IMPACT: variants seen among roughly 807,000 people sequenced by gnomAD.
IMPACT encodes the protein protein IMPACT.
In IMPACT, 35 loss-of-function variants were observed where a neutral mutation model predicts 47.5. The ratio of observed to expected loss-of-function variants is 0.74; its 90% confidence interval spans 0.56 to 0.98. IMPACT has a LOEUF of 0.98. Ranked by LOEUF, IMPACT falls within the 50% of genes least tolerant of loss-of-function variation. IMPACT has a pLI of 0.00. For synonymous variants in IMPACT, 118 were observed against 125.6 expected, an observed-to-expected ratio of 0.94 and a Z score of 0.40; for missense variants, 373 against 394.8, an observed-to-expected ratio of 0.94 and a Z score of 0.47.
intron 6 of IMPACT, among the ~76,000 whole-genome samples, chr18:24,441,672 GTCAT>G (rs1909117908): frequency 6.6e-6 from 1 of 152,172 alleles, no homozygotes; most frequent in East Asian, 1.9e-4. Flanking sequence ...GGTTTCCTGT[GTCAT>G]TACACAGTAG....
chr18:24,446,893 A>G (rs1192477921), intron 8 of IMPACT, among the ~76,000 whole-genome samples: 1 of 152,226 alleles, frequency 6.6e-6, no homozygotes, highest in Non-Finnish European at 1.5e-5. Flanking sequence ...CTCTGTGCCA[A>G]AACTTTATGT....
At chr18:24,433,922 CG>C (rs1267234755) in intron 4 of IMPACT, among the ~76,000 whole-genome samples, 2 of 151,954 alleles carry the variant, frequency 1.3e-5, no homozygotes, top group African/African-American at 4.8e-5. Flanking sequence ...CCGCCTGCCT[CG>C]GCCTCCCAAA....
In IMPACT at chr18:24,434,795, A is replaced by ATATATATGTG. The variant is rs1454429903; in HGVS notation, c.282-3159_282-3158insATATATGTGT. ...AAAAAAAATATATATATATATATAT[A>ATATATATGTG]TGTGTGTGTGTGTGTATATATATGT... On this transcript the variant is annotated intron_variant, in intron 4 of 10. Coordinates refer to ENST00000284202, the MANE Select transcript of IMPACT (RefSeq NM_018439.4). Among the ~76,000 whole-genome samples, 7 of 67,620 alleles carry ATATATATGTG rather than the reference A, an allele frequency of 1.0e-4. 1 individual carries two copies. Among genetic ancestry groups the ATATATATGTG allele is most frequent in the African/African-American group, 3.8e-4 (7 of 18,256 alleles). 44.4% of individuals were successfully genotyped at this position (67,620 alleles called of 152,430 possible).
At chr18:24,439,203 C>T (rs1411201349) in intron 5 of IMPACT, among the ~76,000 whole-genome samples, 1 of 152,238 alleles carries the variant, frequency 6.6e-6, no homozygotes, top group East Asian at 1.9e-4. Context: ...AAAATACCTT[C>T]AGAGAAAAAT....
intron 4 of IMPACT, among the ~76,000 whole-genome samples, chr18:24,431,791 C>G (rs1908763461): frequency 6.6e-6 from 1 of 152,058 alleles, no homozygotes; most frequent in Admixed American, 6.6e-5. Flanking sequence ...AACCCCTGCC[C>G]CTCAGGTTCA....
intron 4 of IMPACT, among the ~76,000 whole-genome samples, chr18:24,433,792 T>A (rs1414833363): frequency 6.6e-6 from 1 of 150,414 alleles, no homozygotes; most frequent in Non-Finnish European, 1.5e-5. Context: ...TACCTCAGCC[T>A]CCTGAGTAGC....
chr18:24,428,182 G>A (rs1908662769), intron 2 of IMPACT, 135 bp downstream of exon 2: 2 of 747,180 alleles, frequency 2.7e-6, no homozygotes, highest in South Asian at 4.4e-5. Context: ...AAACACATGG[G>A]CAGTTACATC....
At chr18:24,436,554 T>C (rs1218456417) in intron 4 of IMPACT, among the ~76,000 whole-genome samples, 3 of 151,824 alleles carry the variant, frequency 2.0e-5, no homozygotes, top group Non-Finnish European at 4.4e-5. Context: ...TGTTTTGTTT[T>C]TGTTTTTGTT....
At chr18:24,433,231 C>T (rs867301517) in intron 4 of IMPACT, among the ~76,000 whole-genome samples, 10 of 108,432 alleles carry the variant, frequency 9.2e-5, no homozygotes, top group East Asian at 3.0e-4. Flanking sequence ...CTCGCTCTGT[C>T]GCCCAGGCCG....
chr18:24,446,977 A>G (rs518353), intron 8 of IMPACT, among the ~76,000 whole-genome samples: 19,068 of 152,252 alleles, frequency 0.13, 1,479 homozygotes, highest in Non-Finnish European at 0.16. Flanking sequence ...TAGTTAAGTG[A>G]TGGAGCTGAA....
intron 6 of IMPACT, 34 bp downstream of exon 6, chr18:24,440,652 A>T: frequency 6.4e-7 from 1 of 1,572,350 alleles, no homozygotes; most frequent in Non-Finnish European, 8.6e-7. Flanking sequence ...TTTTGAGGAG[A>T]GTGGGTTGGT....
intron 9 of IMPACT, 85 bp from the exon 10 acceptor site, chr18:24,449,734 C>T: frequency 1.6e-6 from 2 of 1,253,340 alleles, no homozygotes; most frequent in East Asian, 4.9e-5. Flanking sequence ...CAATTTTATA[C>T]ATGGGTTATT....
In IMPACT at chr18:24,452,401, A is replaced by T. The variant is rs1020113402; in HGVS notation, c.*1554A>T. 8.5e-5 allele frequency: 13 copies of T among 152,146 alleles called. No homozygotes were observed. The highest frequency in any genetic ancestry group is 2.9e-4 in the African/African-American group (12 of 41,444). The allele number at this position is 152,146 out of a possible 1,614,324, so 9.4% of individuals were successfully genotyped here. The stretch of plus-strand genomic sequence containing the variant: ...TGTGTTTTAACTGTTAAAATAATTT[A>T]AAAATTAATTATTTTACATAATTAA... On this transcript the variant is annotated 3_prime_UTR_variant, in exon 11 of 11. Transcript: ENST00000284202.
At chr18:24,444,294 A>G (rs557904946) in intron 7 of IMPACT, among the ~76,000 whole-genome samples, 1 of 152,330 alleles carries the variant, frequency 6.6e-6, no homozygotes, top group East Asian at 1.9e-4. Flanking sequence ...AGCTGAAACA[A>G]GTTTTAGAGG....
intron 1 of IMPACT, 144 bp from the exon 2 acceptor site, chr18:24,427,775 T>G: frequency 2.9e-6 from 2 of 701,744 alleles, no homozygotes; most frequent in Non-Finnish European, 2.3e-6. Context: ...GACCTGCTCT[T>G]AAGAAACTCT....
At chr18:24,433,184 C>CTTTTTTT (rs35543338) in intron 4 of IMPACT, among the ~76,000 whole-genome samples, 14 of 81,100 alleles carry the variant, frequency 1.7e-4, no homozygotes, top group East Asian at 4.4e-4. Context: ...ACTTTTAAAA[C>CTTTTTTT]TTTTTTTTTT....
At chr18:24,433,163 A>ATACACATCTTACT (rs1366332079) in intron 4 of IMPACT, among the ~76,000 whole-genome samples, 1 of 149,760 alleles carries the variant, frequency 6.7e-6, no homozygotes, top group Admixed American at 6.7e-5. Context: ...CTAAATAGAA[A>ATACACATCTTACT]TACACATCTT....
chr18:24,438,658 G>C (rs931363642), intron 5 of IMPACT, among the ~76,000 whole-genome samples: 16 of 152,106 alleles, frequency 1.1e-4, no homozygotes, highest in Non-Finnish European at 1.5e-5. Context: ...CTACAGACGA[G>C]GTCTCCCTAT....
rs1050098073 is a variant in IMPACT at position 24,452,537 on chromosome 18, A to G, written c.*1690A>G. 7.2e-5 allele frequency: 11 copies of G among 152,178 alleles called. No individual in the cohort carries two copies. The highest frequency in any genetic ancestry group is 6.5e-4 in the Admixed American group (10 of 15,276). The allele number at this position is 152,178 out of a possible 1,614,324, so 9.4% of individuals were successfully genotyped here. On this transcript the variant is annotated 3_prime_UTR_variant, in exon 11 of 11. Transcript: ENST00000284202. ...TACTTTTGCTCCTTTATACAGAATT[A>G]TTAACTATATTTTACTAACTAAAAA...
Sources: allele counts gnomAD v4.1 joint callset (sites outside exome capture counted in the v4.1 genomes callset), GRCh38; gene constraint gnomAD v4.1.1; transcripts MANE v1.5; gene names NCBI Gene and HGNC (gene_info 2026-07-23, HGNC 2026-07-21).